Variants in UBQLN1 observed in about 807,000 individuals in gnomAD.
UBQLN1 encodes the protein ubiquilin-1.
A neutral mutation model predicts 65.4 loss-of-function variants in UBQLN1; 13 were observed. The ratio of observed to expected loss-of-function variants is 0.20; its 90% confidence interval spans 0.13 to 0.32. The LOEUF is 0.32. UBQLN1 is among the 10% of genes least tolerant of loss of function. The pLI is 1.00. For missense variants in UBQLN1, 561 were observed against 724.0 expected, an observed-to-expected ratio of 0.77 and a Z score of 2.58; for synonymous variants, 267 against 247.8, an observed-to-expected ratio of 1.08 and a Z score of -0.73.
chr9:83,665,556 C>G (rs371350777), intron 8 of UBQLN1, among the ~76,000 whole-genome samples: 1 of 152,296 alleles, frequency 6.6e-6, no homozygotes, highest in African/African-American at 2.4e-5. Context: ...AACAATTTTA[C>G]CAGTAAGGTA....
intron 6 of UBQLN1, among the ~76,000 whole-genome samples, chr9:83,671,426 TAAGTTGAAAGTG>T (rs1564161609): frequency 1.9e-4 from 29 of 152,338 alleles, no homozygotes; most frequent in African/African-American, 6.3e-4. Context: ...ATAAGACTTG[TAAGTTGAAAGTG>T]CTCCTTGATC....
intron 9 of UBQLN1, among the ~76,000 whole-genome samples, 197 bp from the exon 10 acceptor site, chr9:83,664,240 A>G (rs1392664610): frequency 1.3e-5 from 2 of 152,026 alleles, no homozygotes; most frequent in Non-Finnish European, 2.9e-5. Context: ...CATTGTTGAG[A>G]CTTCATCTCT....
chr9:83,705,684 GTAAC>G lies in UBQLN1; in HGVS notation c.180+1812_180+1815del, dbSNP rs1466761612. Among the ~76,000 whole-genome samples the G allele has an allele frequency of 3.3e-5, 5 of 152,282 alleles. No individual in the cohort carries two copies. In the East Asian group the frequency reaches 9.6e-4, roughly 29 times the overall value. ...AAAGACTTGTATAAGACTGTTCATAGTAACTAACTGCAAACAGCCCAGGTGACCT... is the reference window on the plus strand; with the variant it reads ...AAAGACTTGTATAAGACTGTTCATAGTAACTGCAAACAGCCCAGGTGACCT... On this transcript the variant is annotated intron_variant, in intron 1 of 10. Transcript: ENST00000376395.
chr9:83,681,264 T>C (rs538997049), intron 3 of UBQLN1, among the ~76,000 whole-genome samples: 36 of 152,350 alleles, frequency 2.4e-4, no homozygotes, highest in Admixed American at 2.2e-3. Context: ...ACAAAGTGTT[T>C]ACTTCGTAAA....
At chr9:83,697,245 GTTTTT>G (rs71365322) in intron 1 of UBQLN1, among the ~76,000 whole-genome samples, 2 of 140,698 alleles carry the variant, frequency 1.4e-5, no homozygotes, top group African/African-American at 5.3e-5. Context: ...GTATCTTCTG[GTTTTT>G]TTTTTTTTTT....
intron 1 of UBQLN1, among the ~76,000 whole-genome samples, chr9:83,687,294 T>A (rs569900738): frequency 1.7e-4 from 26 of 152,172 alleles, no homozygotes; most frequent in Non-Finnish European, 3.4e-4. Flanking sequence ...GAAAAGAGCA[T>A]CATGCTATAA....
chr9:83,703,856 A>G (rs1832352792), intron 1 of UBQLN1, among the ~76,000 whole-genome samples: 1 of 152,192 alleles, frequency 6.6e-6, no homozygotes, highest in African/African-American at 2.4e-5. Context: ...GCCTGTTGGT[A>G]CTCACGACCA....
At chr9:83,693,485 T>C (rs1379692360) in intron 1 of UBQLN1, among the ~76,000 whole-genome samples, 2 of 152,132 alleles carry the variant, frequency 1.3e-5, no homozygotes, top group Admixed American at 1.3e-4. Context: ...TTAACCAGAC[T>C]GTCAAGTTCT....
chr9:83,685,748 G>C (rs962053996), intron 2 of UBQLN1, among the ~76,000 whole-genome samples: 1 of 152,040 alleles, frequency 6.6e-6, no homozygotes, highest in Non-Finnish European at 1.5e-5. Flanking sequence ...AAACTTGCCT[G>C]TTCTAATGCA....
chr9:83,691,478 G>T (rs1832128497), intron 1 of UBQLN1, among the ~76,000 whole-genome samples: 1 of 152,170 alleles, frequency 6.6e-6, no homozygotes, highest in Admixed American at 6.5e-5. Flanking sequence ...TCCTAACCAT[G>T]AGTTGTCAGT....
intron 1 of UBQLN1, among the ~76,000 whole-genome samples, chr9:83,688,599 C>A (rs553315220): frequency 1.3e-5 from 2 of 151,886 alleles, no homozygotes; most frequent in South Asian, 4.2e-4. Flanking sequence ...TGCAGTGGCT[C>A]ACACCTGTAA....
intron 8 of UBQLN1, among the ~76,000 whole-genome samples, chr9:83,665,819 G>A (rs1035861969): frequency 6.6e-6 from 1 of 152,068 alleles, no homozygotes; most frequent in African/African-American, 2.4e-5. Context: ...AAATACCATG[G>A]CAATCTCAAG....
chr9:83,691,706 C>A (rs956000355), intron 1 of UBQLN1, among the ~76,000 whole-genome samples: 1 of 152,190 alleles, frequency 6.6e-6, no homozygotes, highest in East Asian at 1.9e-4. Flanking sequence ...CTGACAGACA[C>A]GTGAGAAATC....
chr9:83,693,779 A>C (rs1184016770), intron 1 of UBQLN1, among the ~76,000 whole-genome samples: 1 of 152,170 alleles, frequency 6.6e-6, no homozygotes, highest in Non-Finnish European at 1.5e-5. Flanking sequence ...CAAGGTTAGG[A>C]AAGAGTATTT....
intron 6 of UBQLN1, among the ~76,000 whole-genome samples, chr9:83,673,815 G>C (rs1831781085): frequency 6.6e-6 from 1 of 151,940 alleles, no homozygotes; most frequent in Non-Finnish European, 1.5e-5. Context: ...TATTTGTTTT[G>C]TTTTGAGACA....
chr9:83,679,397 T>G (rs1210628059), intron 4 of UBQLN1, among the ~76,000 whole-genome samples: 1 of 152,230 alleles, frequency 6.6e-6, no homozygotes, highest in African/African-American at 2.4e-5. Flanking sequence ...TTTAAAGTTG[T>G]TGCAATTTTG....
intron 8 of UBQLN1, 42 bp from the exon 9 acceptor site, chr9:83,665,187 T>G (rs1380602751): frequency 7.0e-7 from 1 of 1,437,594 alleles, no homozygotes; most frequent in East Asian, 2.3e-5. Context: ...GGAATTAAAA[T>G]CAGTGAACGT....
intron 1 of UBQLN1, among the ~76,000 whole-genome samples, chr9:83,688,861 C>CAAA (rs142002440): frequency 7.7e-6 from 1 of 130,672 alleles, no homozygotes; most frequent in Non-Finnish European, 1.7e-5. Flanking sequence ...AACTCCGTTT[C>CAAA]AAAAAAAAAA....
chr9:83,685,007 T>A (rs781185914), intron 2 of UBQLN1, among the ~76,000 whole-genome samples: 3 of 152,142 alleles, frequency 2.0e-5, no homozygotes, highest in Non-Finnish European at 4.4e-5. Flanking sequence ...GCACATGTAG[T>A]CTACATGACT....
Sources: allele counts gnomAD v4.1 joint callset (sites outside exome capture counted in the v4.1 genomes callset), GRCh38; gene constraint gnomAD v4.1.1; transcripts MANE v1.5; gene names NCBI Gene and HGNC (gene_info 2026-07-23, HGNC 2026-07-21).